Variants in CEP126 observed in about 807,000 individuals in gnomAD.
CEP126 encodes the protein centrosomal protein of 126 kDa.
A neutral mutation model predicts 107.8 loss-of-function variants in CEP126; 74 were observed. The observed-to-expected ratio is 0.69, with a 90% confidence interval of 0.57 to 0.83. The LOEUF (loss-of-function observed/expected upper bound fraction) is 0.83, where lower values mean the gene tolerates loss of function less well. Among genes scored for constraint, CEP126 ranks in the 40% least tolerant of loss-of-function variants. CEP126 has a pLI of 0.00. For synonymous variants in CEP126, 449 were observed against 446.0 expected, an observed-to-expected ratio of 1.01 and a Z score of -0.08; for missense variants, 1,237 against 1,281.9, an observed-to-expected ratio of 0.96 and a Z score of 0.53.
intron 9 of CEP126, among the ~76,000 whole-genome samples, chr11:101,989,209 G>GA (rs536392340): frequency 1.3e-5 from 2 of 151,254 alleles, no homozygotes; most frequent in Non-Finnish European, 1.5e-5. Flanking sequence ...TGATTCTGAA[G>GA]AAAAAAAATA....
chr11:101,979,003 G>A (rs1941225195), intron 7 of CEP126, among the ~76,000 whole-genome samples: 2 of 152,084 alleles, frequency 1.3e-5, no homozygotes, highest in Admixed American at 1.3e-4. Context: ...GTGGTGGCAG[G>A]TGCCTGTAAT....
chr11:101,952,487 G>A (rs191455250), intron 4 of CEP126, among the ~76,000 whole-genome samples: 52 of 152,242 alleles, frequency 3.4e-4, no homozygotes, highest in Non-Finnish European at 3.7e-4. Context: ...AATATGCTTT[G>A]GTAACTGTTT....
In CEP126 at chr11:101,962,944, A is replaced by G; in HGVS notation, c.1909A>G (p.Ser637Gly). The stretch of plus-strand genomic sequence containing the variant: ...AAAACTGAGGTGGTTTGATGAAACT[A>G]GCAATATAGAAAACAATGCTGAAAA... ...IKKLRWFDETSNIENNAENSH... is the reference protein window; with the variant it reads ...IKKLRWFDETGNIENNAENSH... Residue 637 changes from serine (S) to glycine (G), a missense_variant, in exon 6 of 11, where the codon AGC (serine) becomes GGC (glycine). Physicochemically the swap from Ser to Gly is moderately conservative, Grantham distance 56. Coordinates refer to ENST00000263468, the MANE Select transcript of CEP126 (RefSeq NM_020802.4). 6.2e-7 allele frequency: 1 copy of G among 1,610,112 alleles called. No homozygotes were observed.
chr11:101,927,028 G>A (rs1161550848), intron 2 of CEP126, among the ~76,000 whole-genome samples: 6 of 152,294 alleles, frequency 3.9e-5, no homozygotes, highest in Admixed American at 3.9e-4. Flanking sequence ...TTGGCTGGGC[G>A]CAGTGGCTCA....
intron 1 of CEP126, among the ~76,000 whole-genome samples, chr11:101,917,979 C>T (rs1253677676): frequency 6.6e-6 from 1 of 152,154 alleles, no homozygotes; most frequent in African/African-American, 2.4e-5. Context: ...AATGCCTCTG[C>T]CAGGTCTCTG....
At chr11:101,956,219 G>T (rs768529844) in intron 4 of CEP126, 5 of 456,042 alleles carry the variant, frequency 1.1e-5, no homozygotes, top group Non-Finnish European at 1.8e-5. Flanking sequence ...GCATTCTACT[G>T]CAGCCACTCT....
intron 9 of CEP126, among the ~76,000 whole-genome samples, chr11:101,987,879 A>G (rs1941333659): frequency 6.6e-6 from 1 of 152,216 alleles, no homozygotes; most frequent in Admixed American, 6.5e-5. Flanking sequence ...CACTTGGGAA[A>G]AGTACATTTA....
At chr11:101,982,921 C>T (rs891204297) in intron 8 of CEP126, among the ~76,000 whole-genome samples, 2 of 152,170 alleles carry the variant, frequency 1.3e-5, no homozygotes, top group Non-Finnish European at 2.9e-5. Context: ...GTTTATTTAG[C>T]ATCCCCAAGG....
chr11:101,956,120 C>A (rs1233232236), intron 4 of CEP126: 2 of 456,550 alleles, frequency 4.4e-6, no homozygotes, highest in Non-Finnish European at 8.8e-6. Flanking sequence ...ACCCCACGCA[C>A]CCCAGAGTTC....
intron 6 of CEP126, among the ~76,000 whole-genome samples, chr11:101,972,317 T>A (rs1044366644): frequency 1.3e-5 from 2 of 151,620 alleles, no homozygotes; most frequent in Non-Finnish European, 2.9e-5. Flanking sequence ...TCCCAGCTAC[T>A]CGAGAGGTTG....
intron 1 of CEP126, among the ~76,000 whole-genome samples, chr11:101,918,860 A>G (rs895309630): frequency 2.0e-5 from 3 of 152,192 alleles, no homozygotes; most frequent in Non-Finnish European, 4.4e-5. Context: ...ACTGCTTGAG[A>G]TGGCCCTGAA....
intron 3 of CEP126, among the ~76,000 whole-genome samples, chr11:101,947,733 G>A (rs1238438208): frequency 1.3e-5 from 2 of 152,002 alleles, no homozygotes; most frequent in Non-Finnish European, 2.9e-5. Context: ...ATAAGTTTAT[G>A]GCACTATGAG....
At chr11:101,969,326 T>C (rs577059906) in intron 6 of CEP126, among the ~76,000 whole-genome samples, 18 of 152,170 alleles carry the variant, frequency 1.2e-4, no homozygotes, top group Non-Finnish European at 2.5e-4. Flanking sequence ...CAGCCAACAA[T>C]GATACTTTTT....
chr11:101,919,101 A>G (rs114474033), intron 1 of CEP126, among the ~76,000 whole-genome samples: 3,259 of 152,320 alleles, frequency 0.021, 68 homozygotes, highest in African/African-American at 0.053. Flanking sequence ...AACAAAGAGA[A>G]ACACAATCAG....
intron 8 of CEP126, among the ~76,000 whole-genome samples, chr11:101,984,804 C>A (rs934927552): frequency 2.0e-5 from 3 of 152,178 alleles, no homozygotes; most frequent in Non-Finnish European, 2.9e-5. Flanking sequence ...GGACCCACTT[C>A]CTTGTGCCTC....
At chr11:101,939,692 A>G (rs1940638999) in intron 2 of CEP126, among the ~76,000 whole-genome samples, 1 of 152,238 alleles carries the variant, frequency 6.6e-6, no homozygotes, top group Non-Finnish European at 1.5e-5. Flanking sequence ...TGTTTTCACA[A>G]GTGTCTGCCA....
chr11:101,946,864 A>T (rs1940743904), intron 3 of CEP126, among the ~76,000 whole-genome samples: 1 of 152,236 alleles, frequency 6.6e-6, no homozygotes, highest in African/African-American at 2.4e-5. Flanking sequence ...TCTCAAAAAA[A>T]AATGGTGGAA....
chr11:101,935,109 T>G (rs981912), intron 2 of CEP126, among the ~76,000 whole-genome samples: 13,920 of 152,016 alleles, frequency 0.092, 809 homozygotes, highest in East Asian at 0.27. Flanking sequence ...AGTTTAGTTT[T>G]CACTTGCCTG....
chr11:101,936,530 A>G (rs190866483), intron 2 of CEP126, among the ~76,000 whole-genome samples: 22 of 152,292 alleles, frequency 1.4e-4, no homozygotes, highest in Admixed American at 3.3e-4. Flanking sequence ...TTTAATGTCT[A>G]TCTTTCCAGT....
Sources: gnomAD v4.1 joint callset for allele counts (sites outside exome capture counted in the v4.1 genomes callset) on GRCh38, gnomAD v4.1.1 for gene constraint, MANE v1.5 for transcripts, NCBI Gene and HGNC (gene_info 2026-07-23, HGNC 2026-07-21) for gene names.